PHC3: variants seen among roughly 807,000 people sequenced by gnomAD.
PHC3 encodes polyhomeotic homolog 3.
PHC3 carries 13 observed loss-of-function variants against 107.4 expected under a neutral mutation model. That is an observed-to-expected ratio of 0.12 (90% CI 0.08 to 0.19). The LOEUF is 0.19. Ranked by LOEUF, PHC3 falls within the 10% of genes least tolerant of loss-of-function variation. PHC3 has a pLI of 1.00. For synonymous variants in PHC3, 456 were observed against 427.4 expected (o/e 1.07, Z -0.83); for missense variants, 992 against 1,210.9 (o/e 0.82, Z 2.68).
intron 8 of PHC3, among the ~76,000 whole-genome samples, chr3:170,127,596 AG>A (rs1223011951): frequency 5.3e-5 from 8 of 152,268 alleles, no homozygotes; most frequent in Non-Finnish European, 7.3e-5. Context: ...TTTTCATTAA[AG>A]AACATTGAGG....
chr3:170,120,156 G>C (rs993884212), intron 9 of PHC3, among the ~76,000 whole-genome samples: 2 of 151,978 alleles, frequency 1.3e-5, no homozygotes, highest in African/African-American at 4.8e-5. Flanking sequence ...TGACAGATTA[G>C]CAATAAAACT....
chr3:170,136,549 T>C lies in PHC3; in HGVS notation c.789A>G (p.Thr263=), dbSNP rs756363911. ...QSLTICHNKT[T]VTSSKISQRD... ...GTTGGCTGATTTTAGAACTGGTCAC[T>C]GTTGTTTTGTTATGACAAATTGTCA... The change falls in exon 7 of 15, where the codon ACA becomes ACG. Residue 263 remains threonine, a synonymous_variant. Coordinates refer to ENST00000495893, the MANE Select transcript of PHC3 (RefSeq NM_024947.4). 6.2e-7 allele frequency: 1 copy of C among 1,613,388 alleles called. No individual in the cohort carries two copies. Among genetic ancestry groups the C allele is most frequent in the Admixed American group, 1.7e-5 (1 of 59,866 alleles).
chr3:170,170,096 AACCACAGCTATATGCTG>A, intron 4 of PHC3: 1 of 152,264 alleles, frequency 6.6e-6, no homozygotes, highest in East Asian at 1.9e-4. Context: ...CAACAAAAAA[AACCACAGCTATATGCTG>A]ACCACAGCAT....
intron 8 of PHC3, among the ~76,000 whole-genome samples, chr3:170,126,712 T>C (rs1577071168): frequency 6.6e-6 from 1 of 151,430 alleles, no homozygotes; most frequent in South Asian, 2.1e-4. Context: ...CAGCTAATTT[T>C]TGTATTTTTA....
At chr3:170,133,826 C>G (rs751917619) in intron 7 of PHC3, among the ~76,000 whole-genome samples, 19 of 152,114 alleles carry the variant, frequency 1.2e-4, no homozygotes, top group Non-Finnish European at 5.9e-5. Context: ...AATTCAGAAC[C>G]AGATATTGAG....
Position 170,117,400 on chromosome 3 carries a change from A to G in PHC3, c.2019T>C (p.Ser673=), listed in dbSNP as rs745349862. Residue 673 remains serine (S), a synonymous_variant, in exon 10 of 15, where the codon TCT becomes TCC. Transcript: ENST00000495893. ...IKSPSDPSHV[S]VPPPPLLLPA... ...GAAGTAACAATGGAGGTGGTGGAACAGAAACATGTGAGGGATCTGATGGAG... is the reference window on the plus strand; with the variant it reads ...GAAGTAACAATGGAGGTGGTGGAACGGAAACATGTGAGGGATCTGATGGAG... 1.9e-6 allele frequency: 3 copies of G among 1,613,954 alleles called. No homozygotes were observed. Among genetic ancestry groups the G allele is most frequent in the Non-Finnish European group, 2.5e-6 (3 of 1,179,854 alleles).
chr3:170,122,753 A>AT lies in PHC3; in HGVS notation c.1789-10_1789-9insA, dbSNP rs1345910586. 2 of 1,613,422 alleles carry AT rather than the reference A, an allele frequency of 1.2e-6. No homozygotes were observed. The highest frequency in any genetic ancestry group is 3.3e-5 in the Admixed American group (2 of 59,962). ...TCTTCTACCTGATAAACCTGCAATG[A>AT]CAAACCATACTGCCTTAAAATGTTT... On this transcript the variant is annotated splice_polypyrimidine_tract_variant and intron_variant, in intron 8 of 14. Coordinates refer to ENST00000495893, the MANE Select transcript of PHC3 (RefSeq NM_024947.4).
At position 170,090,293 on chromosome 3, in the gene PHC3, G is replaced by A. The variant is rs770236158; in HGVS notation, c.*6937C>T. 6.6e-6 allele frequency: 1 copy of A among 152,130 alleles called. No individual in the cohort carries two copies. The highest frequency in any genetic ancestry group is 6.5e-5 in the Admixed American group (1 of 15,272). 9.4% of individuals were successfully genotyped at this position (152,130 alleles called of 1,614,324 possible). On this transcript the variant is annotated 3_prime_UTR_variant, in exon 15 of 15. Coordinates refer to ENST00000495893, the MANE Select transcript of PHC3 (RefSeq NM_024947.4). ...CCAAGTTTATTAAGATTCCCTCTCA[G>A]TATATTAAGTAGTAATGATTATGTT...
At chr3:170,132,588 C>T (rs1722436680) in intron 7 of PHC3, among the ~76,000 whole-genome samples, 1 of 152,234 alleles carries the variant, frequency 6.6e-6, no homozygotes, top group Non-Finnish European at 1.5e-5. Flanking sequence ...CCACCACACA[C>T]TCAAGGCCAT....
chr3:170,134,039 C>T (rs750642265), intron 7 of PHC3, among the ~76,000 whole-genome samples: 3 of 152,044 alleles, frequency 2.0e-5, no homozygotes, highest in Non-Finnish European at 2.9e-5. Context: ...TTGCTCCACA[C>T]TGTCAAAACT....
intron 14 of PHC3, among the ~76,000 whole-genome samples, chr3:170,099,042 A>G (rs952258391): frequency 6.6e-6 from 1 of 152,158 alleles, no homozygotes; most frequent in Non-Finnish European, 1.5e-5. Flanking sequence ...TACTTACAAG[A>G]ACACAGGAAA....
At chr3:170,136,144 A>T (rs1244353236) in intron 7 of PHC3, among the ~76,000 whole-genome samples, 1 of 152,230 alleles carries the variant, frequency 6.6e-6, no homozygotes, top group African/African-American at 2.4e-5. Context: ...TTTTAAAGAT[A>T]GAAGGTTTTA....
chr3:170,100,212 C>G (rs913027056), intron 14 of PHC3, among the ~76,000 whole-genome samples: 3 of 152,046 alleles, frequency 2.0e-5, no homozygotes, highest in Admixed American at 2.0e-4. Flanking sequence ...AAACAAAATA[C>G]AAAAGAGATT....
At position 170,094,423 on chromosome 3, in the gene PHC3, A is replaced by G. The variant is rs1348578955; in HGVS notation, c.*2807T>C. The stretch of plus-strand genomic sequence containing the variant: ...TCAGAAAATGCAAACTTAGGTAGCA[A>G]AAGTAGGAAGAACCTCCATGTTCCC... On this transcript the variant is annotated 3_prime_UTR_variant, in exon 15 of 15. Transcript: ENST00000495893. 6.6e-6 allele frequency: 1 copy of G among 152,246 alleles called. No homozygotes were observed. Among genetic ancestry groups the G allele is most frequent in the East Asian group, 1.9e-4 (1 of 5,202 alleles). The allele number at this position is 152,246 out of a possible 1,614,324, so 9.4% of individuals were successfully genotyped here. A position where few individuals can be genotyped will look rare whatever the true frequency, so the allele number is the denominator to read the frequency against.
intron 7 of PHC3, 56 bp from the exon 8 acceptor site, chr3:170,129,608 A>T: frequency 6.1e-6 from 9 of 1,471,748 alleles, no homozygotes; most frequent in Non-Finnish European, 8.3e-6. Flanking sequence ...GAAATTTTTA[A>T]ATCACTCTAA....
Position 170,096,041 on chromosome 3 carries a change from C to G in PHC3, c.*1189G>C, listed in dbSNP as rs1156803640. 1 of 152,144 alleles carries G rather than the reference C, an allele frequency of 6.6e-6. No homozygotes were observed. The highest frequency in any genetic ancestry group is 1.9e-4 in the East Asian group (1 of 5,190). The allele number at this position is 152,144 out of a possible 1,614,324, so 9.4% of individuals were successfully genotyped here. A position where few individuals can be genotyped will look rare whatever the true frequency, so the allele number is the denominator to read the frequency against. Reference sequence around the variant, plus strand: ...CAAACTATTTTCTTGCCAGAAAAGGCTGTGCACTAGTTCATAGGTATAATC... The same window carrying G: ...CAAACTATTTTCTTGCCAGAAAAGGGTGTGCACTAGTTCATAGGTATAATC... On this transcript the variant is annotated 3_prime_UTR_variant, in exon 15 of 15. Coordinates refer to ENST00000495893, the MANE Select transcript of PHC3 (RefSeq NM_024947.4).
intron 4 of PHC3, among the ~76,000 whole-genome samples, chr3:170,153,529 C>G (rs1316283216): frequency 6.6e-6 from 1 of 151,918 alleles, no homozygotes. Flanking sequence ...TTTGGGAGGC[C>G]GAGGCGGGCG....
At chr3:170,163,922 A>T (rs1728325161) in intron 4 of PHC3, among the ~76,000 whole-genome samples, 1 of 150,948 alleles carries the variant, frequency 6.6e-6, no homozygotes, top group Non-Finnish European at 1.5e-5. Flanking sequence ...AAAGCAGGCC[A>T]GGCACAGTGG....
chr3:170,132,892 T>G (rs1425146435), intron 7 of PHC3, among the ~76,000 whole-genome samples: 1 of 152,240 alleles, frequency 6.6e-6, no homozygotes, highest in Non-Finnish European at 1.5e-5. Context: ...ACAGTTCATG[T>G]TTCCAAACAT....
Sources: gnomAD v4.1 joint callset for allele counts (sites outside exome capture counted in the v4.1 genomes callset) on GRCh38, gnomAD v4.1.1 for gene constraint, MANE v1.5 for transcripts, NCBI Gene and HGNC (gene_info 2026-07-23, HGNC 2026-07-21) for gene names.